The following PCIF1 variants were observed in gnomAD, a reference collection of about 807,000 sequenced individuals.
The protein encoded by PCIF1 is phosphorylated CTD interacting factor 1.
In PCIF1, 12 loss-of-function variants were observed where a neutral mutation model predicts 86.9. The ratio of observed to expected loss-of-function variants is 0.14; its 90% CI spans 0.09 to 0.22. The LOEUF is 0.22. Among genes scored for constraint, PCIF1 ranks in the 10% least tolerant of loss-of-function variants. PCIF1 has a pLI of 1.00. For missense variants in PCIF1, 701 were observed against 951.1 expected (o/e 0.74, Z 3.46); for synonymous variants, 397 against 372.0 (o/e 1.07, Z -0.77).
At chr20:45,946,465 T>A in intron 14 of PCIF1, 81 bp downstream of exon 14, 4 of 1,509,320 alleles carry the variant, frequency 2.7e-6, no homozygotes, top group Non-Finnish European at 2.7e-6. Flanking sequence ...CTGGCTGTAG[T>A]GTCAGGCAGG....
chr20:45,936,921 C>T (rs181352920), intron 1 of PCIF1, among the ~76,000 whole-genome samples: 1 of 152,140 alleles, frequency 6.6e-6, no homozygotes, highest in Non-Finnish European at 1.5e-5. Context: ...AGTCTCACTC[C>T]GTCTCAAAGG....
At chr20:45,940,967 C>T (rs750168833) in intron 6 of PCIF1, 28 bp downstream of exon 6, 1 of 1,613,942 alleles carries the variant, frequency 6.2e-7, no homozygotes, top group South Asian at 1.1e-5. Context: ...GGCTTGGGGG[C>T]ACCCATTGCT....
At position 45,946,293 on chromosome 20, in the gene PCIF1, A is replaced by G; in HGVS notation, c.1522A>G (p.Ser508Gly). The G allele has an allele frequency of 1.2e-6, 2 of 1,614,140 alleles. No homozygotes were observed. The highest frequency in any genetic ancestry group is 2.2e-5 in the South Asian group (2 of 91,090). Residue 508 changes from serine (S) to glycine (G), a missense_variant, in exon 14 of 17, where the codon AGC becomes GGC. By Grantham distance (56) the Ser-to-Gly change is moderately conservative (BLOSUM62 0). Coordinates refer to ENST00000372409, the MANE Select transcript of PCIF1 (RefSeq NM_022104.4). ...GGCCCTCCACCGACTCTTTGGCGTC[A>G]GCTTCGAGTGCTTCGCCTCACCCCT... ...FEALHRLFGV[S>G]FECFASPLNC...
chr20:45,938,968 C>T lies in PCIF1; in HGVS notation c.-19-13C>T, dbSNP rs778434688. On this transcript the variant is annotated splice_polypyrimidine_tract_variant and intron_variant, in intron 2 of 16. Coordinates refer to ENST00000372409, the MANE Select transcript of PCIF1 (RefSeq NM_022104.4). ...GGGGTGGAGCTGACACTCTTTGGTC[C>T]TCTGTGTGGCAGGTCCTGTGTGGGT... 2.5e-6 allele frequency: 4 copies of T among 1,612,810 alleles called. No individual in the cohort carries two copies. Among genetic ancestry groups the T allele is most frequent in the African/African-American group, 2.7e-5 (2 of 74,978 alleles).
chr20:45,945,593 C>T (rs931164112), intron 11 of PCIF1, 118 bp from the exon 12 acceptor site: 14 of 1,250,936 alleles, frequency 1.1e-5, no homozygotes, highest in East Asian at 7.5e-5. Flanking sequence ...CTGAACTGGG[C>T]CAGAGTATAC....
chr20:45,939,219 G>T lies in PCIF1; in HGVS notation c.129G>T (p.Glu43Asp). 3 of 1,613,972 alleles carry T rather than the reference G, an allele frequency of 1.9e-6. No homozygotes were observed. The highest frequency in any genetic ancestry group is 2.5e-6 in the Non-Finnish European group (3 of 1,180,026). Residue 43 changes from glutamate (E) to aspartate (D), a missense_variant, in exon 4 of 17, where the codon GAG becomes GAT. Physicochemically the swap from Glu to Asp is conservative, Grantham distance 45. Transcript: ENST00000372409. ...PIRLVQDLPE[E>D]LVHAGWEKCW... is the part of the protein sequence containing the mutation. ...GGGCTCCGTGCCTGTTTGCAGAGGAGCTGGTGCATGCAGGCTGGGAGAAGT... is the reference window on the plus strand; with the variant it reads ...GGGCTCCGTGCCTGTTTGCAGAGGATCTGGTGCATGCAGGCTGGGAGAAGT...
At chr20:45,935,175 G>A (rs1459468213) in intron 1 of PCIF1, among the ~76,000 whole-genome samples, 2 of 151,100 alleles carry the variant, frequency 1.3e-5, no homozygotes, top group Non-Finnish European at 3.0e-5. Context: ...CCCTCGCTGG[G>A]GTAGGGGGAG....
At chr20:45,935,163 C>G (rs1381905029) in intron 1 of PCIF1, among the ~76,000 whole-genome samples, 1 of 151,112 alleles carries the variant, frequency 6.6e-6, no homozygotes, top group South Asian at 2.1e-4. Context: ...CCAAACAGCC[C>G]ACCCTCGCTG....
Position 45,947,312 on chromosome 20 carries a change from C to T in PCIF1, c.1757C>T (p.Pro586Leu). The T allele has an allele frequency of 6.2e-7, 1 of 1,614,118 alleles. No individual in the cohort carries two copies. The highest frequency in any genetic ancestry group is 8.5e-7 in the Non-Finnish European group (1 of 1,180,008). Residue 586 changes from proline to leucine, a missense_variant, in exon 16 of 17, where the codon CCT becomes CTT. Transcript: ENST00000372409. This position sits in a 1 kb window ranked among gnomAD's most constrained non-coding sequence, Gnocchi z 5.4. ...CCCCTGTCCTTCATCGTGTTCATCC[C>T]TGAGTGGCGGGAACCCCCAACACCA... is the stretch of plus-strand genomic sequence containing the variant. ...PEPLSFIVFI[P>L]EWREPPTPAL...
At position 45,946,133 on chromosome 20, in the gene PCIF1, C is replaced by T. The variant is rs1288716969; in HGVS notation, c.1428+18C>T. 1.9e-6 allele frequency: 3 copies of T among 1,614,068 alleles called. No individual in the cohort carries two copies. Among genetic ancestry groups the T allele is most frequent in the Middle Eastern group, 1.6e-4 (1 of 6,084 alleles). ...GGTACCAGGTACAGGCCTGGGGCAG[C>T]AGGGAGGGCTCCCCAGGAGGGAACA... is the stretch of plus-strand genomic sequence containing the variant. On this transcript the variant is annotated intron_variant, in intron 13 of 16. Transcript: ENST00000372409.
At chr20:45,940,649 C>T in intron 5 of PCIF1, 37 bp downstream of exon 5, 1 of 1,584,688 alleles carries the variant, frequency 6.3e-7, no homozygotes, top group Non-Finnish European at 8.6e-7. Context: ...TGCCGAGCGG[C>T]CGGCTCAGAC....
rs534457876 is a variant in PCIF1 at position 45,945,741 on chromosome 20, G to C, written c.1199G>C (p.Arg400Pro). The C allele has an allele frequency of 6.2e-7, 1 of 1,613,784 alleles. No homozygotes were observed. Among genetic ancestry groups the C allele is most frequent in the South Asian group, 1.1e-5 (1 of 91,090 alleles). The change falls in exon 12 of 17, where the codon CGC becomes CCC. Residue 400 changes from arginine to proline, a missense_variant. This residue lies in a region of PCIF1 where 121 missense variants were observed against 131.7 expected (regional missense o/e 0.92). Transcript: ENST00000372409. ...GTGGAGGCCCCTGAGGTGGAGCCCC[G>C]CCTAGTGTACTGCTACCCAGTCCGG... ...EEVEAPEVEP[R>P]LVYCYPVRLA...
chr20:45,941,666 G>A (rs1240681829), intron 7 of PCIF1, among the ~76,000 whole-genome samples: 1 of 151,932 alleles, frequency 6.6e-6, no homozygotes. Flanking sequence ...CACGATGTTG[G>A]CCAGGCTGGT....
At chr20:45,946,429 C>G (rs776031068) in intron 14 of PCIF1, 45 bp downstream of exon 14, 1 of 1,590,758 alleles carries the variant, frequency 6.3e-7, no homozygotes. Context: ...GGGAAGAGGT[C>G]CTCCAGAGCA....
At chr20:45,942,776 T>TC (rs1452099514) in intron 7 of PCIF1, among the ~76,000 whole-genome samples, 1 of 136,492 alleles carries the variant, frequency 7.3e-6, no homozygotes, top group East Asian at 2.0e-4. Context: ...CTTTTTTTTT[T>TC]TTTTTTTTTT....
intron 12 of PCIF1, 51 bp from the exon 13 acceptor site, chr20:45,945,975 TGAG>T (rs1181110880): frequency 1.2e-6 from 2 of 1,613,334 alleles, no homozygotes; most frequent in East Asian, 4.5e-5. Flanking sequence ...AGGCCAGTGA[TGAG>T]GACATGAGGG....
chr20:45,936,198 G>A lies in PCIF1; in HGVS notation c.-187-1220G>A, dbSNP rs555427162. ...TATTTTTATTTATTTATTTTGAGAC[G>A]GAGTCTTGCTCTGTCGCCTGGGCTG... is the stretch of plus-strand genomic sequence containing the variant. On this transcript the variant is annotated intron_variant, in intron 1 of 16. Transcript: ENST00000372409. 5.9e-5 allele frequency among the ~76,000 whole-genome samples: 9 copies of A among 151,934 alleles called. No homozygotes were observed. The South Asian group carries it at 1.9e-3, about 32-fold the overall frequency.
At position 45,937,560 on chromosome 20, in the gene PCIF1, C is replaced by T. The variant is rs897213755; in HGVS notation, c.-45C>T. The T allele has an allele frequency of 2.8e-5, 11 of 398,918 alleles. No individual in the cohort carries two copies. The highest frequency in any genetic ancestry group is 4.4e-5 in the Non-Finnish European group (10 of 226,094). 24.7% of individuals were successfully genotyped at this position (398,918 alleles called of 1,614,324 possible). On this transcript the variant is annotated 5_prime_UTR_variant, in exon 2 of 17. Coordinates refer to ENST00000372409, the MANE Select transcript of PCIF1 (RefSeq NM_022104.4). Reference sequence around the variant, plus strand: ...ATCCGGCTGGAGAAGAAAAGCCTCTCATGCTAACGTTGCAGACCCCAGAGG... The same window carrying T: ...ATCCGGCTGGAGAAGAAAAGCCTCTTATGCTAACGTTGCAGACCCCAGAGG...
intron 7 of PCIF1, 54 bp downstream of exon 7, chr20:45,941,261 C>A: frequency 6.5e-7 from 1 of 1,541,038 alleles, no homozygotes; most frequent in Non-Finnish European, 8.7e-7. Flanking sequence ...TTAGCATGAG[C>A]CAGGTTTGGC....
Sources: allele counts gnomAD v4.1 joint callset (sites outside exome capture counted in the v4.1 genomes callset), GRCh38; gene constraint gnomAD v4.1.1; regional missense constraint gnomAD v4.1.1; non-coding constraint Gnocchi (gnomAD v3.1); transcripts MANE v1.5; gene names NCBI Gene and HGNC (gene_info 2026-07-23, HGNC 2026-07-21).